Variants in IL1RL1 observed in about 807,000 individuals in gnomAD.
The protein encoded by IL1RL1 is interleukin 1 receptor like 1.
A neutral mutation model predicts 50.9 loss-of-function variants in IL1RL1; 32 were observed. The ratio of observed to expected loss-of-function variants is 0.63; its 90% CI spans 0.47 to 0.84. IL1RL1 has a LOEUF of 0.84. Ranked by LOEUF, IL1RL1 falls within the 40% of genes least tolerant of loss-of-function variation. The pLI, the probability that IL1RL1 is intolerant of heterozygous loss-of-function variation, is 0.00. For synonymous variants in IL1RL1, 275 were observed against 236.0 expected (o/e 1.17, Z -1.51); for missense variants, 773 against 662.9 (o/e 1.17, Z -1.82).
intron 4 of IL1RL1, 65 bp from the exon 5 acceptor site, chr2:102,340,601 C>A: frequency 6.6e-7 from 1 of 1,512,000 alleles, no homozygotes; most frequent in Non-Finnish European, 9.0e-7. Flanking sequence ...AACAAACATT[C>A]TGTCAACAGA....
intron 1 of IL1RL1, among the ~76,000 whole-genome samples, chr2:102,326,293 A>G (rs1676995742): frequency 6.6e-6 from 1 of 152,186 alleles, no homozygotes; most frequent in African/African-American, 2.4e-5. Flanking sequence ...TTTACAGACA[A>G]GCAAATGCTG....
chr2:102,311,790 A>G, intron 1 of IL1RL1, among the ~76,000 whole-genome samples, 167 bp downstream of exon 1: 1 of 108,412 alleles, frequency 9.2e-6, no homozygotes, highest in Non-Finnish European at 1.8e-5. Context: ...TTATAACATT[A>G]TAACAATTAT....
At chr2:102,328,627 T>C (rs1677083724) in intron 1 of IL1RL1, among the ~76,000 whole-genome samples, 1 of 152,190 alleles carries the variant, frequency 6.6e-6, no homozygotes, top group Non-Finnish European at 1.5e-5. Context: ...CTTAAGCTGA[T>C]AGGCAACTTC....
At chr2:102,329,364 T>C (rs1300931741) in intron 1 of IL1RL1, among the ~76,000 whole-genome samples, 1 of 152,158 alleles carries the variant, frequency 6.6e-6, no homozygotes, top group Non-Finnish European at 1.5e-5. Flanking sequence ...ACTGAAATTT[T>C]AGACCTAAAA....
At position 102,343,340 on chromosome 2, in the gene IL1RL1, C is replaced by A; in HGVS notation, c.895C>A (p.Leu299Met). The A allele has an allele frequency of 6.2e-7, 1 of 1,614,206 alleles. No homozygotes were observed. The highest frequency in any genetic ancestry group is 8.5e-7 in the Non-Finnish European group (1 of 1,180,034). The change falls in exon 8 of 11, where the codon CTG becomes ATG. Residue 299 changes from leucine to methionine, a missense_variant. Physicochemically the swap from Leu to Met is conservative, Grantham distance 15 (BLOSUM62 2). Coordinates refer to ENST00000233954, the MANE Select transcript of IL1RL1 (RefSeq NM_016232.5). ...TGACGTGAAGGAAGAGGATTTATTG[C>A]TGCAGTACGACTGTCTGGCCCTGAA... ...IADVKEEDLL[L>M]QYDCLALNLH...
intron 1 of IL1RL1, among the ~76,000 whole-genome samples, chr2:102,329,711 T>G (rs1677118949): frequency 6.6e-6 from 1 of 152,230 alleles, no homozygotes; most frequent in South Asian, 2.1e-4. Context: ...AATAAGACAT[T>G]TATGCAGCCA....
chr2:102,311,968 AATATTATATATAATAT>A (rs1214907579), intron 1 of IL1RL1, among the ~76,000 whole-genome samples: 10 of 27,662 alleles, frequency 3.6e-4, no homozygotes, highest in African/African-American at 1.4e-3. Flanking sequence ...TATTATATAT[AATATTATATATAATAT>A]ATATTATATA....
At position 102,340,097 on chromosome 2, in the gene IL1RL1, G is replaced by A. The variant is rs763658954; in HGVS notation, c.273-1G>A. 5 of 1,505,928 alleles carry A rather than the reference G, an allele frequency of 3.3e-6. No individual in the cohort carries two copies. The South Asian group carries it at 6.6e-5, about 20-fold the overall frequency. The allele number at this position is 1,505,928 out of a possible 1,614,324, so 93.3% of individuals were successfully genotyped here. On this transcript the variant is annotated splice_acceptor_variant, in intron 3 of 10. Transcript: ENST00000233954. LOFTEE classifies it high-confidence loss of function. The stretch of plus-strand genomic sequence containing the variant: ...TTTAATTGTCTGACTTATTTTAACA[G>A]TCCCACATTCAATAGGACTGGATAT...
intron 1 of IL1RL1, among the ~76,000 whole-genome samples, chr2:102,337,799 G>C (rs1313735053): frequency 6.6e-6 from 1 of 151,654 alleles, no homozygotes; most frequent in Non-Finnish European, 1.5e-5. Context: ...TGAATTTTAT[G>C]GTTTTTTTTT....
At chr2:102,319,038 T>TA (rs1207558136) in intron 1 of IL1RL1, among the ~76,000 whole-genome samples, 1 of 152,158 alleles carries the variant, frequency 6.6e-6, no homozygotes, top group East Asian at 1.9e-4. Flanking sequence ...TAAAAGAATT[T>TA]AAAAATAAGT....
intron 1 of IL1RL1, among the ~76,000 whole-genome samples, chr2:102,334,033 G>T (rs889088144): frequency 2.0e-5 from 3 of 152,142 alleles, no homozygotes; most frequent in African/African-American, 7.2e-5. Flanking sequence ...GAACCGTGCT[G>T]CAGTGAACAT....
chr2:102,336,200 TCTTCAGAGCCAGC>T (rs1003033830), intron 1 of IL1RL1, among the ~76,000 whole-genome samples: 1 of 152,196 alleles, frequency 6.6e-6, no homozygotes, highest in Non-Finnish European at 1.5e-5. Flanking sequence ...ATTAGTCTAG[TCTTCAGAGCCAGC>T]CTTCTTGAGT....
At chr2:102,329,385 C>T (rs1039764939) in intron 1 of IL1RL1, among the ~76,000 whole-genome samples, 2 of 152,052 alleles carry the variant, frequency 1.3e-5, no homozygotes, top group African/African-American at 4.8e-5. Flanking sequence ...CCATAAAAAC[C>T]CTAGAAGAAA....
chr2:102,331,402 T>G (rs1677175161), intron 1 of IL1RL1, among the ~76,000 whole-genome samples: 1 of 152,252 alleles, frequency 6.6e-6, no homozygotes, highest in African/African-American at 2.4e-5. Context: ...AATTACACAA[T>G]GGTCTAAAAT....
intron 10 of IL1RL1, 84 bp downstream of exon 10, chr2:102,349,330 A>G: frequency 9.4e-7 from 1 of 1,063,622 alleles, no homozygotes; most frequent in Non-Finnish European, 1.4e-6. Context: ...TGCATTGGAT[A>G]ATGAATTGCA....
rs751353110 is a variant in IL1RL1, at chr2:102,342,236, T to G, written c.624T>G (p.Phe208Leu). 128 of 1,610,614 alleles carry G rather than the reference T, an allele frequency of 7.9e-5. No individual in the cohort carries two copies. Among genetic ancestry groups the G allele is most frequent in the Non-Finnish European group, 1.1e-4 (124 of 1,177,092 alleles). ...RSFTVKDEQG[F>L]SLFPVIGAPA... ...TTTGTCTTTAAGATGAGCAAGGCTT[T>G]TCTCTGTTTCCAGTAATCGGAGCCC... is the stretch of plus-strand genomic sequence containing the variant. The change falls in exon 6 of 11, where the codon TTT becomes TTG. Residue 208 changes from phenylalanine (F) to leucine (L), a missense_variant. By Grantham distance (22) the Phe-to-Leu change is conservative. Transcript: ENST00000233954.
At chr2:102,321,068 G>A (rs1003855494) in intron 1 of IL1RL1, among the ~76,000 whole-genome samples, 7 of 152,230 alleles carry the variant, frequency 4.6e-5, no homozygotes, top group Middle Eastern at 3.4e-3. Context: ...ACTGGCCCTC[G>A]GACACACCAG....
chr2:102,320,415 C>T (rs190637595), intron 1 of IL1RL1, among the ~76,000 whole-genome samples: 106 of 152,182 alleles, frequency 7.0e-4, no homozygotes, highest in African/African-American at 2.4e-3. Context: ...GCTACTTCCA[C>T]TCTTTTGAAG....
chr2:102,348,143 T>C (rs907047348), intron 9 of IL1RL1, 52 bp downstream of exon 9: 1 of 1,448,372 alleles, frequency 6.9e-7, no homozygotes, highest in Non-Finnish European at 9.6e-7. Flanking sequence ...CCATAATAAC[T>C]GTTGGTTACC....
Sources: allele counts gnomAD v4.1 joint callset (sites outside exome capture counted in the v4.1 genomes callset), GRCh38; gene constraint gnomAD v4.1.1; transcripts MANE v1.5; gene names NCBI Gene and HGNC (gene_info 2026-07-23, HGNC 2026-07-21).